Variants in RABGAP1L observed in about 807,000 individuals in gnomAD.
RABGAP1L encodes the protein RAB GTPase activating protein 1 like.
In RABGAP1L, 63 loss-of-function variants were observed where a neutral mutation model predicts 137.7. That is an observed-to-expected ratio of 0.46 (90% CI 0.37 to 0.56). The LOEUF (loss-of-function observed/expected upper bound fraction) is 0.56, where lower values mean the gene tolerates loss of function less well. RABGAP1L is among the 20% of genes least tolerant of loss of function. RABGAP1L has a pLI of 0.00. For missense variants in RABGAP1L, 1,095 were observed against 1,244.0 expected (o/e 0.88, Z 1.80); for synonymous variants, 431 against 433.7 (o/e 0.99, Z 0.08).
intron 13 of RABGAP1L, among the ~76,000 whole-genome samples, chr1:174,615,789 C>T (rs1051152003): frequency 1.3e-5 from 2 of 152,204 alleles, no homozygotes; most frequent in Non-Finnish European, 2.9e-5. Flanking sequence ...ATGGTGGGCG[C>T]CCCTCCCCCA....
At chr1:174,398,566 A>C (rs1472747193) in intron 13 of RABGAP1L, among the ~76,000 whole-genome samples, 1 of 152,180 alleles carries the variant, frequency 6.6e-6, no homozygotes, top group Non-Finnish European at 1.5e-5. Flanking sequence ...GGGCTGGAAA[A>C]AAGGCTAGAC....
intron 11 of RABGAP1L, among the ~76,000 whole-genome samples, chr1:174,314,926 A>C (rs1229663165): frequency 6.6e-6 from 1 of 152,124 alleles, no homozygotes; most frequent in Non-Finnish European, 1.5e-5. Flanking sequence ...TCTGTCCTTG[A>C]GAATCATCTG....
At chr1:174,609,506 C>CT (rs1356469045) in intron 13 of RABGAP1L, among the ~76,000 whole-genome samples, 2 of 152,068 alleles carry the variant, frequency 1.3e-5, no homozygotes, top group Non-Finnish European at 2.9e-5. Context: ...GAGAGGAGGA[C>CT]TGTAACCATA....
rs79592651 is a variant in RABGAP1L, at chr1:174,809,796, C to T, written c.2212-2036C>T. On this transcript the variant is annotated intron_variant, in intron 18 of 25. Coordinates refer to ENST00000681986, the MANE Select transcript of RABGAP1L (RefSeq NM_001366446.1). The stretch of plus-strand genomic sequence containing the variant: ...CGAAGCCTAGGGATGTGTGGTACAT[C>T]TGGTAGAATTGGTAGCTGGATGCTT... 7.0e-3 allele frequency among the ~76,000 whole-genome samples: 1,066 copies of T among 152,310 alleles called. 9 individuals are homozygous for T. The highest frequency in any genetic ancestry group is 0.024 in the African/African-American group (986 of 41,562).
intron 18 of RABGAP1L, among the ~76,000 whole-genome samples, chr1:174,802,562 G>A (rs936225175): frequency 5.3e-5 from 8 of 152,178 alleles, no homozygotes; most frequent in Admixed American, 3.3e-4. Flanking sequence ...AGCTGAGATC[G>A]TGCCATTGCA....
intron 18 of RABGAP1L, among the ~76,000 whole-genome samples, chr1:174,796,178 T>G (rs576539460): frequency 6.6e-6 from 1 of 152,320 alleles, no homozygotes; most frequent in Non-Finnish European, 1.5e-5. Flanking sequence ...AGAAATGTTT[T>G]CTGTGAAGTG....
chr1:174,316,296 G>A (rs1006850782), intron 11 of RABGAP1L, among the ~76,000 whole-genome samples: 4 of 152,200 alleles, frequency 2.6e-5, no homozygotes, highest in Non-Finnish European at 5.9e-5. Context: ...GTTGATGCTA[G>A]TAGATGTTTT....
chr1:174,653,181 A>T (rs1336426236), intron 14 of RABGAP1L, among the ~76,000 whole-genome samples: 1 of 152,102 alleles, frequency 6.6e-6, no homozygotes. Flanking sequence ...GCAACTTCAG[A>T]CTGCTATGCT....
intron 12 of RABGAP1L, among the ~76,000 whole-genome samples, chr1:174,386,012 CAG>C (rs140838452): frequency 0.06 from 9,196 of 152,136 alleles, 964 homozygotes; most frequent in African/African-American, 0.21. Context: ...AAGGATGTAA[CAG>C]AAAATTTGAT....
intron 1 of RABGAP1L, among the ~76,000 whole-genome samples, chr1:174,184,072 T>C (rs577585780): frequency 1.8e-4 from 28 of 152,130 alleles, no homozygotes; most frequent in Admixed American, 2.6e-4. Flanking sequence ...TTTCACCGTG[T>C]TAGCCAGGAT....
intron 19 of RABGAP1L, among the ~76,000 whole-genome samples, chr1:174,870,323 G>C (rs190532284): frequency 6.6e-5 from 10 of 152,192 alleles, no homozygotes; most frequent in Admixed American, 6.5e-4. Context: ...TTCCATGAAG[G>C]CTTCCCCATC....
At chr1:174,685,551 C>A (rs902816012) in intron 15 of RABGAP1L, among the ~76,000 whole-genome samples, 17 of 144,970 alleles carry the variant, frequency 1.2e-4, no homozygotes, top group African/African-American at 4.2e-4. Flanking sequence ...CCGCGCCGGC[C>A]TTTATTTATT....
At chr1:174,971,327 T>C (rs1380960706) in intron 21 of RABGAP1L, among the ~76,000 whole-genome samples, 1 of 151,868 alleles carries the variant, frequency 6.6e-6, no homozygotes, top group Non-Finnish European at 1.5e-5. Context: ...TTAAAAATCA[T>C]TTCTTCACCA....
At chr1:174,364,773 A>G (rs907146096) in intron 11 of RABGAP1L, among the ~76,000 whole-genome samples, 11 of 152,146 alleles carry the variant, frequency 7.2e-5, no homozygotes, top group African/African-American at 2.7e-4. Context: ...CTCAGAGCCC[A>G]AGGTCAATGG....
chr1:174,974,994 A>T (rs1349195003), intron 21 of RABGAP1L, among the ~76,000 whole-genome samples: 1 of 152,242 alleles, frequency 6.6e-6, no homozygotes, highest in African/African-American at 2.4e-5. Flanking sequence ...GCTTCTTCAC[A>T]TAATCACCTC....
At chr1:174,849,346 T>C (rs1459307803) in intron 19 of RABGAP1L, among the ~76,000 whole-genome samples, 1 of 152,126 alleles carries the variant, frequency 6.6e-6, no homozygotes, top group East Asian at 1.9e-4. Context: ...AAATGAGGGA[T>C]TCAGGATATT....
At chr1:174,726,200 A>G (rs1174955644) in intron 17 of RABGAP1L, among the ~76,000 whole-genome samples, 1 of 151,996 alleles carries the variant, frequency 6.6e-6, no homozygotes, top group Non-Finnish European at 1.5e-5. Flanking sequence ...TTGAATTTTT[A>G]TTCTTCCAGA....
At chr1:174,985,946 C>CT (rs919415149) in intron 24 of RABGAP1L, among the ~76,000 whole-genome samples, 164 of 148,044 alleles carry the variant, frequency 1.1e-3, no homozygotes, top group Middle Eastern at 3.4e-3. Flanking sequence ...TTCTTTTTTT[C>CT]TTTTTTTTTT....
intron 13 of RABGAP1L, among the ~76,000 whole-genome samples, chr1:174,605,680 AT>A (rs1221911744): frequency 6.6e-6 from 1 of 152,224 alleles, no homozygotes; most frequent in African/African-American, 2.4e-5. Context: ...TCAGATCTAT[AT>A]AAGCTGAACC....
Sources: gnomAD v4.1 joint callset for allele counts (sites outside exome capture counted in the v4.1 genomes callset) on GRCh38, gnomAD v4.1.1 for gene constraint, MANE v1.5 for transcripts, NCBI Gene and HGNC (gene_info 2026-07-23, HGNC 2026-07-21) for gene names.